The following TENM2 variants were observed in gnomAD, a reference collection of about 807,000 sequenced individuals.
TENM2 encodes the protein teneurin transmembrane protein 2, also known as teneurin-2.
TENM2 carries 52 observed loss-of-function variants against 245.2 expected under a neutral mutation model. The observed-to-expected ratio is 0.21, with a 90% CI of 0.17 to 0.27. TENM2 has a LOEUF of 0.27. Among genes scored for constraint, TENM2 ranks in the 10% least tolerant of loss-of-function variants. The pLI, the probability that TENM2 is intolerant of heterozygous loss-of-function variation, is 1.00. For synonymous variants in TENM2, 1,363 were observed against 1,438.9 expected, an observed-to-expected ratio of 0.95 and a Z score of 1.19; for missense variants, 3,046 against 3,666.8, an observed-to-expected ratio of 0.83 and a Z score of 4.37.
At chr5:167,638,274 CA>C (rs1779344292) in intron 2 of TENM2, among the ~76,000 whole-genome samples, 1 of 152,042 alleles carries the variant, frequency 6.6e-6, no homozygotes, top group Non-Finnish European at 1.5e-5. Context: ...TAGCACTTAC[CA>C]AAAGCTGATC....
intron 5 of TENM2, among the ~76,000 whole-genome samples, chr5:168,000,312 A>G (rs979320048): frequency 6.6e-6 from 1 of 152,178 alleles, no homozygotes; most frequent in Admixed American, 6.5e-5. Flanking sequence ...ATTTCATTCT[A>G]TGTTTTATCT....
intron 2 of TENM2, among the ~76,000 whole-genome samples, chr5:167,611,661 C>G (rs1244689187): frequency 6.6e-6 from 1 of 152,122 alleles, no homozygotes; most frequent in Non-Finnish European, 1.5e-5. Flanking sequence ...TTATAAACAA[C>G]AGATGTTTGT....
intron 1 of TENM2, among the ~76,000 whole-genome samples, chr5:167,344,305 C>CATATAT (rs1300424802): frequency 1.0e-4 from 10 of 98,306 alleles, no homozygotes; most frequent in African/African-American, 3.6e-4. Context: ...CACACACACA[C>CATATAT]ACACATATAT....
chr5:167,176,299 G>A, the TENM2 span, among the ~76,000 whole-genome samples: 1 of 152,224 alleles, frequency 6.6e-6, no homozygotes, highest in Admixed American at 6.5e-5. Flanking sequence ...CCCAACTTGT[G>A]CTTCATGACT....
chr5:167,804,147 A>AGAG (rs1765979382), intron 2 of TENM2, among the ~76,000 whole-genome samples: 1 of 152,238 alleles, frequency 6.6e-6, no homozygotes, highest in African/African-American at 2.4e-5. Flanking sequence ...ATTTTGGATA[A>AGAG]GAGATACCTA....
In TENM2 at chr5:167,357,579, C is replaced by T. The variant is rs185262130; in HGVS notation, c.227-17619C>T. 2.6e-5 allele frequency among the ~76,000 whole-genome samples: 4 copies of T among 152,238 alleles called. No homozygotes were observed. In the East Asian group the frequency reaches 7.7e-4, roughly 29 times the overall value. Reference sequence around the variant, plus strand: ...CCGGCCGAGCCATCCTTCTTAAGGACAGTGTTTCCACATTGCATTTCAGAT... The same window carrying T: ...CCGGCCGAGCCATCCTTCTTAAGGATAGTGTTTCCACATTGCATTTCAGAT... On this transcript the variant is annotated intron_variant, in intron 1 of 28. Coordinates refer to ENST00000518659, the Ensembl canonical transcript of TENM2.
chr5:168,004,146 T>G (rs910958235), intron 5 of TENM2, among the ~76,000 whole-genome samples: 30 of 152,216 alleles, frequency 2.0e-4, no homozygotes, highest in African/African-American at 7.0e-4. Context: ...TATTTATTTT[T>G]TAATCAAGTG....
intron 2 of TENM2, among the ~76,000 whole-genome samples, chr5:167,424,777 G>A (rs1763713814): frequency 6.6e-6 from 1 of 152,096 alleles, no homozygotes; most frequent in South Asian, 2.1e-4. Context: ...GGAGCATGAA[G>A]GTTTGTGCAG....
At chr5:167,531,335 T>G (rs560231467) in intron 2 of TENM2, among the ~76,000 whole-genome samples, 1 of 152,318 alleles carries the variant, frequency 6.6e-6, no homozygotes, top group African/African-American at 2.4e-5. Flanking sequence ...TTATTTTATT[T>G]CACTGTTTTC....
At chr5:167,468,126 G>A (rs181320645) in intron 2 of TENM2, among the ~76,000 whole-genome samples, 45 of 152,140 alleles carry the variant, frequency 3.0e-4, no homozygotes, top group Non-Finnish European at 4.6e-4. Context: ...TAGTAGAGAC[G>A]GGGTTTCACC....
the TENM2 span, among the ~76,000 whole-genome samples, chr5:167,065,399 C>T: frequency 6.6e-6 from 1 of 152,058 alleles, no homozygotes; most frequent in African/African-American, 2.4e-5. Flanking sequence ...ATTTCTGTAT[C>T]CCTTCTTCAC....
In TENM2 at chr5:167,864,479, G is replaced by A. The variant is rs373766716; in HGVS notation, c.503-11507G>A. Among the ~76,000 whole-genome samples, 14 of 152,248 alleles carry A rather than the reference G, an allele frequency of 9.2e-5. No homozygotes were observed. The East Asian group carries it at 1.3e-3, about 15-fold the overall frequency. On this transcript the variant is annotated intron_variant, in intron 2 of 28. Coordinates refer to ENST00000518659, the Ensembl canonical transcript of TENM2. ...AGTACATTTAAAACTAGTGAAGTAC[G>A]TTTCCACACATTTCACTTACCTAGT...
chr5:167,161,327 G>A, the TENM2 span, among the ~76,000 whole-genome samples: 1 of 152,200 alleles, frequency 6.6e-6, no homozygotes, highest in Non-Finnish European at 1.5e-5. Flanking sequence ...TCCCTAGGAA[G>A]TGGGGAAATA....
chr5:168,121,104 G>A (rs896717322), intron 10 of TENM2, among the ~76,000 whole-genome samples: 9 of 152,178 alleles, frequency 5.9e-5, no homozygotes, highest in Non-Finnish European at 2.9e-5. Flanking sequence ...AGTACATATT[G>A]TTTGTAAAAC....
At chr5:167,983,229 A>G (rs1346885882) in intron 4 of TENM2, among the ~76,000 whole-genome samples, 1 of 152,088 alleles carries the variant, frequency 6.6e-6, no homozygotes, top group Admixed American at 6.6e-5. Flanking sequence ...TCTGAAATGG[A>G]TTTGCTCACA....
At chr5:167,203,994 G>GA in the TENM2 span, among the ~76,000 whole-genome samples, 1 of 152,046 alleles carries the variant, frequency 6.6e-6, no homozygotes, top group African/African-American at 2.4e-5. Context: ...TAAAGTCCAG[G>GA]AAAAAAGAAT....
At chr5:167,321,800 T>TTTTTTTGGTTG (rs1467480814) in intron 1 of TENM2, among the ~76,000 whole-genome samples, 1 of 12,144 alleles carries the variant, frequency 8.2e-5, no homozygotes, top group Non-Finnish European at 1.7e-4. Context: ...TTTTTTTTTT[T>TTTTTTTGGTTG]TGGGGGGGGG....
At chr5:167,648,308 A>G (rs17068890) in intron 2 of TENM2, among the ~76,000 whole-genome samples, 22,198 of 152,232 alleles carry the variant, frequency 0.15, 1,712 homozygotes, top group South Asian at 0.23. Flanking sequence ...TATATTACAA[A>G]AAGTATACAC....
chr5:168,094,881 CT>C (rs1351157370), intron 8 of TENM2, among the ~76,000 whole-genome samples: 1 of 152,094 alleles, frequency 6.6e-6, no homozygotes, highest in East Asian at 1.9e-4. Flanking sequence ...GCTCCGCCCC[CT>C]GTCAGATCAG....
Sources: gnomAD v4.1 joint callset for allele counts (sites outside exome capture counted in the v4.1 genomes callset) on GRCh38, gnomAD v4.1.1 for gene constraint, MANE v1.5 for transcripts, NCBI Gene and HGNC (gene_info 2026-07-23, HGNC 2026-07-21) for gene names.